NCOR1: variants seen among roughly 807,000 people sequenced by gnomAD.
NCOR1 encodes nuclear receptor corepressor 1.
A neutral mutation model predicts 288.1 loss-of-function variants in NCOR1; 63 were observed. The ratio of observed to expected loss-of-function variants is 0.22; its 90% CI spans 0.18 to 0.27. NCOR1 has a LOEUF of 0.27. NCOR1 is among the 10% of genes least tolerant of loss of function. NCOR1 has a pLI of 1.00. For missense variants in NCOR1, 2,397 were observed against 3,019.2 expected, an observed-to-expected ratio of 0.79 and a Z score of 4.83; for synonymous variants, 1,007 against 1,065.9, an observed-to-expected ratio of 0.94 and a Z score of 1.08.
chr17:16,118,612 C>T (rs1001739761), intron 17 of NCOR1, among the ~76,000 whole-genome samples: 2 of 152,062 alleles, frequency 1.3e-5, no homozygotes, highest in African/African-American at 4.8e-5. Flanking sequence ...CACACACATA[C>T]GTGCAAAGAA....
intron 18 of NCOR1, among the ~76,000 whole-genome samples, chr17:16,114,389 A>G (rs1277705064): frequency 6.6e-6 from 1 of 152,126 alleles, no homozygotes; most frequent in Non-Finnish European, 1.5e-5. Context: ...CCCACATCTC[A>G]TGTCTTCACA....
At chr17:16,075,424 G>T in intron 27 of NCOR1, 110 bp downstream of exon 27, 2 of 1,210,484 alleles carry the variant, frequency 1.7e-6, no homozygotes, top group Non-Finnish European at 2.3e-6. Context: ...GAAAACATAG[G>T]CTCAGCAAAG....
intron 44 of NCOR1, among the ~76,000 whole-genome samples, chr17:16,038,603 AT>A (rs1319408120): frequency 6.6e-6 from 1 of 151,896 alleles, no homozygotes; most frequent in Non-Finnish European, 1.5e-5. Context: ...CACCCAGCTA[AT>A]TTTTGTAATT....
intron 25 of NCOR1, 115 bp downstream of exon 25, chr17:16,080,293 T>G: frequency 1.0e-6 from 1 of 986,992 alleles, no homozygotes; most frequent in Non-Finnish European, 1.5e-6. Flanking sequence ...GAAAACAAAT[T>G]TAGAATTTAA....
intron 1 of NCOR1, among the ~76,000 whole-genome samples, chr17:16,214,956 C>T (rs1439381719): frequency 6.6e-6 from 1 of 152,248 alleles, no homozygotes; most frequent in Admixed American, 6.5e-5. Flanking sequence ...TTCTACACTT[C>T]CAAGTCGGCC....
At chr17:16,160,722 G>A (rs559329271) in intron 5 of NCOR1, among the ~76,000 whole-genome samples, 24 of 152,260 alleles carry the variant, frequency 1.6e-4, no homozygotes, top group Non-Finnish European at 2.6e-4. Flanking sequence ...AACCCAGGAG[G>A]TGGAGGTTGC....
intron 1 of NCOR1, among the ~76,000 whole-genome samples, chr17:16,195,536 T>A (rs1290678968): frequency 2.0e-5 from 3 of 152,198 alleles, no homozygotes; most frequent in Non-Finnish European, 2.9e-5. Context: ...TTCCTACTTA[T>A]CCACAATTCT....
chr17:16,158,502 T>C (rs913882646), intron 6 of NCOR1, among the ~76,000 whole-genome samples: 7 of 152,104 alleles, frequency 4.6e-5, no homozygotes, highest in African/African-American at 1.7e-4. Context: ...GCTGACAAAA[T>C]TTCACTGATT....
intron 22 of NCOR1, among the ~76,000 whole-genome samples, chr17:16,090,849 A>ACC (rs2065053271): frequency 6.6e-6 from 1 of 152,210 alleles, no homozygotes. Context: ...ATATTAAATA[A>ACC]CCCTTGGAAT....
intron 41 of NCOR1, among the ~76,000 whole-genome samples, chr17:16,047,466 C>T (rs796563335): frequency 6.6e-6 from 1 of 152,120 alleles, no homozygotes; most frequent in Admixed American, 6.6e-5. Flanking sequence ...AAACTGGGAA[C>T]AATTTTACTA....
At position 16,213,489 on chromosome 17, in the gene NCOR1, C is replaced by CAAAAAA. The variant is rs537795184; in HGVS notation, c.-71+1867_-71+1872dup. Among the ~76,000 whole-genome samples the CAAAAAA allele has an allele frequency of 1.0e-3, 78 of 78,116 alleles. 5 individuals are homozygous for CAAAAAA. The highest frequency in any genetic ancestry group is 2.5e-3 in the East Asian group (6 of 2,426). 51.2% of individuals were successfully genotyped at this position (78,116 alleles called of 152,430 possible). A position where few individuals can be genotyped will look rare whatever the true frequency, so the allele number is the denominator to read the frequency against. ...CCTGGGTGACAGAGCAAGACTGTCT[C>CAAAAAA]AAAAAAAAAAAAAAAAAAAAGATAA... On this transcript the variant is annotated intron_variant, in intron 1 of 45. Coordinates refer to ENST00000268712, the MANE Select transcript of NCOR1 (RefSeq NM_006311.4).
At position 16,186,674 on chromosome 17, in the gene NCOR1, G is replaced by A. The variant is rs1415859702; in HGVS notation, c.122C>T (p.Pro41Leu). The change falls in exon 3 of 46, where the codon CCT (proline) becomes CTT (leucine). Residue 41 changes from proline to leucine, a missense_variant. By Grantham distance (98) the Pro-to-Leu change is moderately conservative. This residue lies in a region of NCOR1 where 55 missense variants were observed against 69.6 expected (regional missense o/e 0.79). Transcript: ENST00000268712. ...NTRHQQEFAV[P>L]DYRSSHLEVS... is the part of the protein sequence containing the mutation. ...TTCAAGATGAGAGGAACGATAATCAGGGACTGCGAACTCCTAGTATTAAAA... is the reference window on the plus strand; with the variant it reads ...TTCAAGATGAGAGGAACGATAATCAAGGACTGCGAACTCCTAGTATTAAAA... 6.2e-7 allele frequency: 1 copy of A among 1,613,040 alleles called. No homozygotes were observed. The highest frequency in any genetic ancestry group is 8.5e-7 in the Non-Finnish European group (1 of 1,179,548).
intron 18 of NCOR1, among the ~76,000 whole-genome samples, chr17:16,113,618 C>T (rs765756359): frequency 8.5e-5 from 13 of 152,096 alleles, no homozygotes; most frequent in Non-Finnish European, 1.3e-4. Context: ...TCTGGCCAGG[C>T]GCGGTGGCTC....
At chr17:16,135,928 T>C (rs763486770) in intron 14 of NCOR1, among the ~76,000 whole-genome samples, 4 of 152,190 alleles carry the variant, frequency 2.6e-5, no homozygotes, top group Non-Finnish European at 4.4e-5. Flanking sequence ...GATTTAATAA[T>C]GCTAATGAAT....
intron 4 of NCOR1, among the ~76,000 whole-genome samples, chr17:16,170,014 A>G (rs1415117746): frequency 1.3e-5 from 2 of 152,150 alleles, no homozygotes; most frequent in Non-Finnish European, 2.9e-5. Flanking sequence ...AAAAATTTCA[A>G]ATTTACTTAA....
chr17:16,106,884 T>TATATATATATATATATATATA (rs58380966), intron 19 of NCOR1, among the ~76,000 whole-genome samples: 1 of 32,706 alleles, frequency 3.1e-5, no homozygotes, highest in Non-Finnish European at 5.2e-5. Context: ...TATATATATA[T>TATATATATATATATATATATA]TTTTTTTTTT....
intron 3 of NCOR1, among the ~76,000 whole-genome samples, chr17:16,177,861 G>A (rs1032009650): frequency 6.6e-6 from 1 of 152,066 alleles, no homozygotes; most frequent in African/African-American, 2.4e-5. Context: ...AGAAATCCTA[G>A]GATTTCACTA....
chr17:16,145,083 T>C (rs2077688296), intron 10 of NCOR1, among the ~76,000 whole-genome samples: 1 of 152,198 alleles, frequency 6.6e-6, no homozygotes, highest in African/African-American at 2.4e-5. Context: ...TATTTTTTGG[T>C]GGAGACGGGG....
chr17:16,120,903 T>A, intron 16 of NCOR1, 149 bp downstream of exon 16: 1 of 681,548 alleles, frequency 1.5e-6, no homozygotes, highest in African/African-American at 1.8e-5. Context: ...TTCAAAAAAC[T>A]TTGACATTAA....
Sources: gnomAD v4.1 joint callset for allele counts (sites outside exome capture counted in the v4.1 genomes callset) on GRCh38, gnomAD v4.1.1 for gene constraint, gnomAD v4.1.1 regional missense constraint, MANE v1.5 for transcripts, NCBI Gene and HGNC (gene_info 2026-07-23, HGNC 2026-07-21) for gene names.